The following ERC1 variants were observed in gnomAD, a reference collection of about 807,000 sequenced individuals.
ERC1 encodes ELKS/RAB6-interacting/CAST family member 1, also known as RAB6 interacting protein 2.
A neutral mutation model predicts 132.0 loss-of-function variants in ERC1; 56 were observed. The ratio of observed to expected loss-of-function variants is 0.42; its 90% CI spans 0.34 to 0.53. The LOEUF (loss-of-function observed/expected upper bound fraction) is 0.53, where lower values mean the gene tolerates loss of function less well. ERC1 is among the 20% of genes least tolerant of loss of function. ERC1 has a pLI of 0.03. For synonymous variants in ERC1, 478 were observed against 476.1 expected (o/e 1.00, Z -0.05); for missense variants, 1,202 against 1,349.9 (o/e 0.89, Z 1.72).
intron 12 of ERC1, among the ~76,000 whole-genome samples, chr12:1,192,724 T>C (rs183108721): frequency 4.5e-4 from 69 of 152,322 alleles, no homozygotes; most frequent in African/African-American, 1.6e-3. Context: ...GTTACAGTCT[T>C]ATACTAGAGT....
At chr12:1,048,783 G>A (rs1398154677) in intron 2 of ERC1, among the ~76,000 whole-genome samples, 1 of 152,180 alleles carries the variant, frequency 6.6e-6, no homozygotes, top group Non-Finnish European at 1.5e-5. Flanking sequence ...CATTGAATGA[G>A]TAGCTCTAAT....
At position 1,106,871 on chromosome 12, in the gene ERC1, G is replaced by A. The variant is rs763779762; in HGVS notation, c.1161+2047G>A. 8.5e-5 allele frequency among the ~76,000 whole-genome samples: 13 copies of A among 152,304 alleles called. No individual in the cohort carries two copies. In the South Asian group the frequency reaches 2.5e-3, roughly 29 times the overall value. On this transcript the variant is annotated intron_variant, in intron 4 of 18. Transcript: ENST00000360905. ...AGTTGTGTGAACCTTCAGCCATTCT[G>A]CTAAGAAGGAGAAAGATTCTGGTGG...
intron 15 of ERC1, among the ~76,000 whole-genome samples, chr12:1,309,644 T>G (rs554900574): frequency 6.6e-6 from 1 of 152,128 alleles, no homozygotes; most frequent in South Asian, 2.1e-4. Flanking sequence ...CTCTCACTCT[T>G]GCTCTAACAG....
In ERC1 at chr12:1,429,861, ATAG is replaced by A. The variant is rs562508566; in HGVS notation, c.3025-14696_3025-14694del. 2.2e-3 allele frequency among the ~76,000 whole-genome samples: 336 copies of A among 152,322 alleles called. 2 individuals carry two copies. Among genetic ancestry groups the A allele is most frequent in the African/African-American group, 7.8e-3 (324 of 41,568 alleles). On this transcript the variant is annotated intron_variant, in intron 17 of 18. Coordinates refer to ENST00000360905, the MANE Select transcript of ERC1 (RefSeq NM_178040.4). Reference sequence around the variant, plus strand: ...GTATATTCTTGGCAGCTCATTATACATAGTAGTTCGGGTGTATGTCAATTATCT... The same window carrying A: ...GTATATTCTTGGCAGCTCATTATACATAGTTCGGGTGTATGTCAATTATCT...
intron 17 of ERC1, among the ~76,000 whole-genome samples, chr12:1,417,165 C>T (rs979457296): frequency 1.3e-5 from 2 of 152,172 alleles, no homozygotes; most frequent in Admixed American, 1.3e-4. Context: ...CTCTTCTTCC[C>T]TCCTCTCCAC....
intron 7 of ERC1, among the ~76,000 whole-genome samples, chr12:1,140,634 C>G (rs1821295613): frequency 1.3e-5 from 2 of 152,060 alleles, no homozygotes; most frequent in Admixed American, 1.3e-4. Flanking sequence ...GTGGTTTAAT[C>G]CACGTTCAGA....
chr12:1,386,421 G>T (rs1335364911), intron 16 of ERC1, among the ~76,000 whole-genome samples: 2 of 150,614 alleles, frequency 1.3e-5, no homozygotes, highest in South Asian at 4.3e-4. Context: ...GCCAAGGCAG[G>T]CAGATCACTT....
At chr12:1,020,330 G>A (rs567624848) in intron 1 of ERC1, among the ~76,000 whole-genome samples, 1 of 152,252 alleles carries the variant, frequency 6.6e-6, no homozygotes, top group African/African-American at 2.4e-5. Flanking sequence ...GGTGGCACAT[G>A]CCTGTAATCC....
rs552750797 is a variant in ERC1 at position 1,230,245 on chromosome 12, C to A, written c.2352-6524C>A. On this transcript the variant is annotated intron_variant, in intron 12 of 18. Transcript: ENST00000360905. The stretch of plus-strand genomic sequence containing the variant: ...AACCCCTGACCTCAAGTGATCCGCC[C>A]ACCTCAGTCTCCCAAAGTGCTGGGA... Among the ~76,000 whole-genome samples the A allele has an allele frequency of 3.9e-5, 6 of 152,276 alleles. No homozygotes were observed. The South Asian group carries it at 1.2e-3, about 32-fold the overall frequency.
At chr12:1,388,100 G>A (rs1047937758) in intron 16 of ERC1, among the ~76,000 whole-genome samples, 2 of 152,062 alleles carry the variant, frequency 1.3e-5, no homozygotes, top group Non-Finnish European at 2.9e-5. Context: ...GGTGGCTCAC[G>A]CTTGTAATCC....
intron 8 of ERC1, among the ~76,000 whole-genome samples, chr12:1,156,295 G>A (rs990800461): frequency 1.3e-5 from 2 of 152,002 alleles, no homozygotes; most frequent in African/African-American, 4.8e-5. Flanking sequence ...CTGGAGTGCA[G>A]TGGTGCAATC....
chr12:1,006,759 A>G (rs1350539070), intron 1 of ERC1, among the ~76,000 whole-genome samples: 1 of 151,958 alleles, frequency 6.6e-6, no homozygotes, highest in Non-Finnish European at 1.5e-5. Context: ...TTTGGCCTCA[A>G]GTGATCTTCT....
At chr12:1,387,580 C>T (rs1007232808) in intron 16 of ERC1, among the ~76,000 whole-genome samples, 1 of 152,142 alleles carries the variant, frequency 6.6e-6, no homozygotes, top group Admixed American at 6.5e-5. Context: ...TTGTGAGAGA[C>T]AGAGAGAAGA....
At chr12:1,017,111 C>T (rs1418386374) in intron 1 of ERC1, among the ~76,000 whole-genome samples, 1 of 152,154 alleles carries the variant, frequency 6.6e-6, no homozygotes, top group African/African-American at 2.4e-5. Flanking sequence ...ATTCTCCTGC[C>T]TCAGCCTCCT....
In ERC1 at chr12:1,058,290, AT is replaced by A. The variant is rs539509127; in HGVS notation, c.670-24865del. The stretch of plus-strand genomic sequence containing the variant: ...CAGTGTCCTCAAGTGTTTCCCCTAC[AT>A]TTTTTTTTCTAATAGTTTTATATGA... On this transcript the variant is annotated intron_variant, in intron 2 of 18. Coordinates refer to ENST00000360905, the MANE Select transcript of ERC1 (RefSeq NM_178040.4). 6.1e-3 allele frequency among the ~76,000 whole-genome samples: 915 copies of A among 149,904 alleles called. 9 individuals are homozygous for A. Among genetic ancestry groups the A allele is most frequent in the African/African-American group, 0.021 (843 of 40,790 alleles).
At chr12:1,202,179 T>C (rs1403011361) in intron 12 of ERC1, among the ~76,000 whole-genome samples, 1 of 152,188 alleles carries the variant, frequency 6.6e-6, no homozygotes, top group Non-Finnish European at 1.5e-5. Context: ...ACAAAGCTTT[T>C]TGTAGTCAGT....
chr12:1,043,749 G>A (rs538681463), intron 2 of ERC1, among the ~76,000 whole-genome samples: 1 of 152,282 alleles, frequency 6.6e-6, no homozygotes, highest in Admixed American at 6.5e-5. Context: ...GACTGAGGAC[G>A]AAGTTGATAG....
At chr12:1,404,872 C>T (rs1411375744) in intron 16 of ERC1, among the ~76,000 whole-genome samples, 1 of 152,154 alleles carries the variant, frequency 6.6e-6, no homozygotes, top group Non-Finnish European at 1.5e-5. Context: ...GGCGCAGTGG[C>T]TCATGCCTGT....
intron 16 of ERC1, among the ~76,000 whole-genome samples, chr12:1,397,967 A>T (rs1284285194): frequency 1.3e-5 from 2 of 152,158 alleles, no homozygotes; most frequent in Non-Finnish European, 2.9e-5. Flanking sequence ...TCTCAGTAGG[A>T]TAAACTCCAA....
Sources: allele counts gnomAD v4.1 joint callset (sites outside exome capture counted in the v4.1 genomes callset), GRCh38; gene constraint gnomAD v4.1.1; transcripts MANE v1.5; gene names NCBI Gene and HGNC (gene_info 2026-07-23, HGNC 2026-07-21).